CEP128: variants seen among roughly 807,000 people sequenced by gnomAD.
CEP128 encodes the protein centrosomal protein 128kDa.
A neutral mutation model predicts 156.7 loss-of-function variants in CEP128; 132 were observed. That is an observed-to-expected ratio of 0.84 (90% CI 0.73 to 0.97). The LOEUF (loss-of-function observed/expected upper bound fraction) is 0.97. Ranked by LOEUF, CEP128 falls within the 50% of genes least tolerant of loss-of-function variation. CEP128 has a pLI of 0.00. For synonymous variants in CEP128, 469 were observed against 448.9 expected, an observed-to-expected ratio of 1.04 and a Z score of -0.57; for missense variants, 1,252 against 1,281.9, an observed-to-expected ratio of 0.98 and a Z score of 0.36.
intron 2 of CEP128, among the ~76,000 whole-genome samples, chr14:80,917,948 TC>T (rs1364813962): frequency 2.6e-5 from 4 of 152,186 alleles, no homozygotes; most frequent in Admixed American, 2.0e-4. Context: ...ATAGCCAACT[TC>T]TTCACAGTAG....
At chr14:80,925,423 A>G (rs1885092502) in intron 2 of CEP128, among the ~76,000 whole-genome samples, 1 of 152,152 alleles carries the variant, frequency 6.6e-6, no homozygotes. Flanking sequence ...AAAAAGTGAG[A>G]AAAAAACTGT....
In CEP128 at chr14:80,514,633, T is replaced by C. The variant is rs1249468410; in HGVS notation, c.3073-9613A>G. The C allele has an allele frequency of 1.3e-5, 5 of 376,464 alleles. No individual in the cohort carries two copies. The East Asian group carries it at 3.1e-4, about 23-fold the overall frequency. 23.3% of individuals were successfully genotyped at this position (376,464 alleles called of 1,614,324 possible). On this transcript the variant is annotated intron_variant, in intron 23 of 24. Transcript: ENST00000555265. ...AGGATTCTAAATTCCTTCTCTGTGT[T>C]ATCTTGAATTTTGTGGTGCTATTTA...
chr14:80,534,676 T>A (rs989823262), intron 21 of CEP128, among the ~76,000 whole-genome samples: 2 of 151,874 alleles, frequency 1.3e-5, no homozygotes, highest in African/African-American at 4.8e-5. Flanking sequence ...ATACAAAAAA[T>A]TAGCCGGGCG....
Position 80,840,688 on chromosome 14 carries a change from C to A in CEP128, c.843G>T (p.Lys281Asn). Residue 281 changes from lysine (K) to asparagine (N), a missense_variant, in exon 10 of 25, where the codon AAG (lysine) becomes AAT (asparagine). Lys to Asn is a moderately conservative substitution (Grantham distance 94). Coordinates refer to ENST00000555265, the MANE Select transcript of CEP128 (RefSeq NM_152446.5). ...KNKLRQTETE[K>N]NQLEQELELS... ...ATAACTTTTAAAATCTTACTTGATT[C>A]TTCTCAGTTTCAGTTTGTCTTAGCT... is the stretch of plus-strand genomic sequence containing the variant. 1 of 1,592,962 alleles carries A rather than the reference C, an allele frequency of 6.3e-7. No homozygotes were observed. The highest frequency in any genetic ancestry group is 8.6e-7 in the Non-Finnish European group (1 of 1,162,176).
At chr14:80,490,120 G>A (rs1446241593), downstream of CEP128, among the ~76,000 whole-genome samples, 2 of 152,014 alleles carry the variant, frequency 1.3e-5, no homozygotes, top group African/African-American at 4.8e-5. Context: ...TTATATTTAA[G>A]GGGGGTACCA....
At chr14:80,569,457 G>C (rs758218848) in intron 20 of CEP128, among the ~76,000 whole-genome samples, 8 of 152,138 alleles carry the variant, frequency 5.3e-5, no homozygotes, top group Non-Finnish European at 1.0e-4. Context: ...AGCCTCACCT[G>C]GGCAGTTTTC....
chr14:80,863,666 T>C (rs1887627545), intron 8 of CEP128, among the ~76,000 whole-genome samples: 1 of 152,188 alleles, frequency 6.6e-6, no homozygotes, highest in Non-Finnish European at 1.5e-5. Context: ...TGTATTCATA[T>C]AAGAGAAGCA....
chr14:80,524,039 T>C (rs559804039), intron 23 of CEP128, among the ~76,000 whole-genome samples: 1 of 152,344 alleles, frequency 6.6e-6, no homozygotes, highest in African/African-American at 2.4e-5. Flanking sequence ...CAGGCAAGAT[T>C]GGACCCATAA....
chr14:80,753,305 A>C (rs960804718), intron 18 of CEP128, among the ~76,000 whole-genome samples: 1 of 144,058 alleles, frequency 6.9e-6, no homozygotes, highest in Non-Finnish European at 1.6e-5. Context: ...ATTTCAACAC[A>C]ATGGGGCAAA....
chr14:80,743,866 C>T (rs1428689672), intron 18 of CEP128, among the ~76,000 whole-genome samples: 1 of 150,188 alleles, frequency 6.7e-6, no homozygotes. Flanking sequence ...CTTTCTCTCT[C>T]TCTCTCACTC....
At chr14:80,699,792 C>T (rs1050775523) in intron 19 of CEP128, among the ~76,000 whole-genome samples, 7 of 152,156 alleles carry the variant, frequency 4.6e-5, no homozygotes, top group Non-Finnish European at 1.0e-4. Context: ...CCTTCTTCTA[C>T]AAGACTGGAC....
chr14:80,561,917 T>TATATA (rs1463564179), intron 20 of CEP128, among the ~76,000 whole-genome samples: 1 of 148,100 alleles, frequency 6.8e-6, no homozygotes, highest in Non-Finnish European at 1.5e-5. Flanking sequence ...TATATATTTG[T>TATATA]TTTGTTTTGT....
chr14:80,821,642 C>CACACAT (rs1360785151), intron 13 of CEP128, among the ~76,000 whole-genome samples: 1 of 128,984 alleles, frequency 7.8e-6, no homozygotes, highest in Admixed American at 7.7e-5. Flanking sequence ...CACACACACA[C>CACACAT]ATGCACACAA....
Position 80,748,112 on chromosome 14 carries a change from G to A in CEP128, c.2614-4845C>T, listed in dbSNP as rs190891848. ...TAAAATTACACCTCTATGAATAAAC[G>A]AGACCTGGCTACGCAATTTATAGGC... is the stretch of plus-strand genomic sequence containing the variant. On this transcript the variant is annotated intron_variant, in intron 18 of 24. Transcript: ENST00000555265. Among the ~76,000 whole-genome samples the A allele has an allele frequency of 2.9e-3, 436 of 152,272 alleles. 4 individuals carry two copies. Among genetic ancestry groups the A allele is most frequent in the Non-Finnish European group, 3.5e-3 (241 of 68,014 alleles).
chr14:80,944,822 C>CAAAAAAAAAAAA (rs55662141), upstream of CEP128, among the ~76,000 whole-genome samples: 11 of 34,650 alleles, frequency 3.2e-4, no homozygotes, highest in Non-Finnish European at 4.1e-4. Context: ...GAGTCTGTCT[C>CAAAAAAAAAAAA]AAAAAAAAAA....
chr14:80,893,523 G>A (rs1489707078), intron 8 of CEP128, among the ~76,000 whole-genome samples: 1 of 150,998 alleles, frequency 6.6e-6, no homozygotes, highest in Non-Finnish European at 1.5e-5. Context: ...AAAAAAAATG[G>A]GTAACTGTGA....
intron 19 of CEP128, among the ~76,000 whole-genome samples, chr14:80,599,526 T>C (rs1892494270): frequency 1.3e-5 from 2 of 151,984 alleles, no homozygotes; most frequent in South Asian, 2.1e-4. Context: ...CCACCCGCCT[T>C]AGCCTCCCAA....
intron 4 of CEP128, among the ~76,000 whole-genome samples, chr14:80,913,842 G>A (rs113677492): frequency 3.3e-5 from 5 of 152,192 alleles, no homozygotes; most frequent in African/African-American, 9.6e-5. Context: ...TGGATGACAG[G>A]TGCACTAAAA....
chr14:80,776,704 G>C (rs1008879809), intron 16 of CEP128, among the ~76,000 whole-genome samples: 8 of 151,896 alleles, frequency 5.3e-5, no homozygotes, highest in African/African-American at 1.9e-4. Flanking sequence ...AAGTAACCCT[G>C]ATTGAGCACA....
Sources: gnomAD v4.1 joint callset for allele counts (sites outside exome capture counted in the v4.1 genomes callset) on GRCh38, gnomAD v4.1.1 for gene constraint, MANE v1.5 for transcripts, NCBI Gene and HGNC (gene_info 2026-07-23, HGNC 2026-07-21) for gene names.